Variants in CNTNAP2 observed in about 807,000 individuals in gnomAD.
CNTNAP2 encodes the protein contactin-associated protein-like 2.
In CNTNAP2, 98 loss-of-function variants were observed where a neutral mutation model predicts 155.2. That is an observed-to-expected ratio of 0.63 (90% confidence interval 0.54 to 0.75). CNTNAP2 has a LOEUF of 0.75. Among genes scored for constraint, CNTNAP2 ranks in the 30% least tolerant of loss-of-function variants. CNTNAP2 has a pLI of 0.00. For missense variants in CNTNAP2, 1,727 were observed against 1,688.1 expected (o/e 1.02, Z -0.40); for synonymous variants, 651 against 631.2 (o/e 1.03, Z -0.47).
At chr7:147,083,881 C>A (rs1441852837) in intron 4 of CNTNAP2, among the ~76,000 whole-genome samples, 1 of 138,856 alleles carries the variant, frequency 7.2e-6, no homozygotes, top group Admixed American at 7.6e-5. Flanking sequence ...ATATTATATA[C>A]ATATACACAT....
chr7:148,408,828 G>A (rs534771642), intron 22 of CNTNAP2, among the ~76,000 whole-genome samples: 1 of 152,190 alleles, frequency 6.6e-6, no homozygotes, highest in East Asian at 1.9e-4. Context: ...TTTATAATAG[G>A]GAAAGAAATA....
chr7:147,658,547 G>T (rs1217859502), intron 13 of CNTNAP2, among the ~76,000 whole-genome samples: 1 of 152,184 alleles, frequency 6.6e-6, no homozygotes, highest in South Asian at 2.1e-4. Flanking sequence ...TAATGAAAAA[G>T]TGTATTGCTG....
At chr7:147,982,235 TA>T (rs1801543324) in intron 15 of CNTNAP2, among the ~76,000 whole-genome samples, 1 of 152,232 alleles carries the variant, frequency 6.6e-6, no homozygotes, top group African/African-American at 2.4e-5. Context: ...AACTTTACTG[TA>T]CTCCTCTAGG....
chr7:146,274,358 G>A (rs553414005), intron 1 of CNTNAP2, among the ~76,000 whole-genome samples: 112 of 152,292 alleles, frequency 7.4e-4, no homozygotes, highest in African/African-American at 2.4e-3. Flanking sequence ...TGAGTTTTGC[G>A]TTCTGAGTTG....
intron 1 of CNTNAP2, among the ~76,000 whole-genome samples, chr7:146,285,762 TC>T (rs1294321502): frequency 4.5e-4 from 1 of 2,204 alleles, no homozygotes; most frequent in African/African-American, 2.3e-3. Flanking sequence ...TCCTTTCCCC[TC>T]CCCCCTCCCT....
At chr7:147,253,969 A>G (rs1804263088) in intron 8 of CNTNAP2, among the ~76,000 whole-genome samples, 3 of 152,190 alleles carry the variant, frequency 2.0e-5, no homozygotes, top group Admixed American at 2.0e-4. Context: ...CCCCACAGTA[A>G]GTGCGAAAAA....
chr7:147,269,984 C>T (rs144007473), intron 8 of CNTNAP2, among the ~76,000 whole-genome samples: 2 of 152,202 alleles, frequency 1.3e-5, no homozygotes, highest in African/African-American at 4.8e-5. Flanking sequence ...ATAGCTTGAG[C>T]CTAGGATTCT....
intron 15 of CNTNAP2, among the ~76,000 whole-genome samples, chr7:148,027,716 T>G (rs1802399222): frequency 6.6e-6 from 1 of 152,212 alleles, no homozygotes; most frequent in Admixed American, 6.5e-5. Flanking sequence ...GATTTTATTT[T>G]GTAAAGAGGT....
In CNTNAP2 at chr7:147,392,425, C is replaced by T. The variant is rs559153019; in HGVS notation, c.1499-3184C>T. ...ATTTGGCTACATGAGTAAGTTCTTT[C>T]GTGGTGATTTATGAGATTTTGGTGC... On this transcript the variant is annotated intron_variant, in intron 9 of 23. Transcript: ENST00000361727. 3.7e-3 allele frequency among the ~76,000 whole-genome samples: 560 copies of T among 151,482 alleles called. 3 individuals carry two copies. Among genetic ancestry groups the T allele is most frequent in the African/African-American group, 0.013 (519 of 41,330 alleles).
intron 15 of CNTNAP2, among the ~76,000 whole-genome samples, chr7:148,039,026 T>G (rs1320826066): frequency 1.3e-5 from 2 of 152,154 alleles, no homozygotes; most frequent in African/African-American, 2.4e-5. Flanking sequence ...TATCTGTACA[T>G]ATGAGAAGAG....
chr7:148,106,491 G>GAGATAGATAGATAGAT (rs1554472842), intron 15 of CNTNAP2, among the ~76,000 whole-genome samples: 3 of 46,344 alleles, frequency 6.5e-5, no homozygotes, highest in African/African-American at 3.3e-4. Context: ...TGCACACTTT[G>GAGATAGATAGATAGAT]AGATATATAT....
intron 1 of CNTNAP2, among the ~76,000 whole-genome samples, chr7:146,575,964 A>C (rs1045296423): frequency 6.6e-6 from 1 of 152,222 alleles, no homozygotes; most frequent in East Asian, 1.9e-4. Flanking sequence ...CTTAATGGTG[A>C]TTCAAGGCTG....
rs1466221440 is a variant in CNTNAP2 at position 148,332,219 on chromosome 7, T to A, written c.3476-51430T>A. Among the ~76,000 whole-genome samples, 3 of 151,686 alleles carry A rather than the reference T, an allele frequency of 2.0e-5. No homozygotes were observed. The East Asian group carries it at 5.8e-4, about 29-fold the overall frequency. On this transcript the variant is annotated intron_variant, in intron 21 of 23. Transcript: ENST00000361727. ...TGGCACAACAGAGCAAAAATCATAA[T>A]TCCTATAATTATTTTTAAACTGTGA...
At chr7:147,691,499 T>G (rs1411940890) in intron 13 of CNTNAP2, among the ~76,000 whole-genome samples, 1 of 152,156 alleles carries the variant, frequency 6.6e-6, no homozygotes, top group Non-Finnish European at 1.5e-5. Context: ...CTTCCTAACT[T>G]GATCTACAGA....
chr7:148,037,418 A>T (rs1159150835), intron 15 of CNTNAP2, among the ~76,000 whole-genome samples: 1 of 152,234 alleles, frequency 6.6e-6, no homozygotes, highest in Non-Finnish European at 1.5e-5. Context: ...CTGTGTGCCC[A>T]CTTGTTGCTT....
At chr7:147,064,849 A>G (rs1359316849) in intron 4 of CNTNAP2, among the ~76,000 whole-genome samples, 2 of 152,178 alleles carry the variant, frequency 1.3e-5, no homozygotes, top group Non-Finnish European at 2.9e-5. Context: ...GTCCAGAAAG[A>G]CACAGATTTT....
At chr7:147,476,520 CCTCT>C (rs1006688399) in intron 10 of CNTNAP2, among the ~76,000 whole-genome samples, 13 of 152,092 alleles carry the variant, frequency 8.5e-5, no homozygotes, top group African/African-American at 2.4e-4. Context: ...TTTCTCGCTT[CCTCT>C]CTCTATCTCT....
chr7:146,478,120 G>C (rs1001084021), intron 1 of CNTNAP2, among the ~76,000 whole-genome samples: 2 of 152,122 alleles, frequency 1.3e-5, no homozygotes, highest in Non-Finnish European at 2.9e-5. Flanking sequence ...TGGAGGTTTA[G>C]TCTGAGTTTG....
At chr7:146,821,066 G>C (rs1439187237) in intron 2 of CNTNAP2, among the ~76,000 whole-genome samples, 4 of 152,024 alleles carry the variant, frequency 2.6e-5, no homozygotes, top group South Asian at 2.1e-4. Context: ...GTGTCTGCAC[G>C]TGAGATGGGT....
Sources: gnomAD v4.1 joint callset for allele counts (sites outside exome capture counted in the v4.1 genomes callset) on GRCh38, gnomAD v4.1.1 for gene constraint, MANE v1.5 for transcripts, NCBI Gene and HGNC (gene_info 2026-07-23, HGNC 2026-07-21) for gene names.